Variants in CDH6 observed in about 807,000 individuals in gnomAD.
CDH6 encodes cadherin 6, also known as cadherin-6.
In CDH6, 31 loss-of-function variants were observed where a neutral mutation model predicts 78.0. That is an observed-to-expected ratio of 0.40 (90% confidence interval 0.30 to 0.54). The LOEUF (loss-of-function observed/expected upper bound fraction) is 0.54. Ranked by LOEUF, CDH6 falls within the 20% of genes least tolerant of loss-of-function variation. The pLI, the probability that CDH6 is intolerant of heterozygous loss-of-function variation, is 0.56. For synonymous variants in CDH6, 376 were observed against 368.8 expected (o/e 1.02, Z -0.23); for missense variants, 724 against 975.9 (o/e 0.74, Z 3.44).
intron 11 of CDH6, among the ~76,000 whole-genome samples, chr5:31,319,943 G>C (rs1480461451): frequency 6.6e-6 from 1 of 152,136 alleles, no homozygotes; most frequent in Non-Finnish European, 1.5e-5. Flanking sequence ...AATAGGCTTA[G>C]AACGGTCAAA....
chr5:31,249,846 G>C (rs1257651275), intron 1 of CDH6: 1 of 152,298 alleles, frequency 6.6e-6, no homozygotes, highest in Non-Finnish European at 1.5e-5. Flanking sequence ...CTTCCCACTA[G>C]GGATTGGACC....
chr5:31,319,567 T>C (rs1380603157), intron 11 of CDH6, among the ~76,000 whole-genome samples: 1 of 152,176 alleles, frequency 6.6e-6, no homozygotes, highest in Non-Finnish European at 1.5e-5. Context: ...AAACTAAAGT[T>C]CCCAACCTAA....
chr5:31,298,880 T>C (rs1276185610), intron 4 of CDH6, among the ~76,000 whole-genome samples: 18 of 152,150 alleles, frequency 1.2e-4, no homozygotes, highest in Admixed American at 1.2e-3. Context: ...TCTAGAATCA[T>C]ACAAGATGAT....
At chr5:31,263,213 A>T (rs1005454028) in intron 1 of CDH6, among the ~76,000 whole-genome samples, 3 of 150,556 alleles carry the variant, frequency 2.0e-5, no homozygotes, top group Non-Finnish European at 4.4e-5. Context: ...ATAGTATCAC[A>T]TGGTGAGGGG....
intron 1 of CDH6, among the ~76,000 whole-genome samples, chr5:31,208,009 G>A (rs1367370631): frequency 6.6e-6 from 1 of 152,194 alleles, no homozygotes; most frequent in East Asian, 1.9e-4. Context: ...GTGTATCCAG[G>A]GGGCTAACGC....
At position 31,294,515 on chromosome 5, in the gene CDH6, C is replaced by G. The variant is rs1367737951; in HGVS notation, c.523+259C>G. Reference sequence around the variant, plus strand: ...AGTGGGAGGTTGAAAGAGAGACCATCTCCTTTCTCTCCCACCCTAAATGCC... The same window carrying G: ...AGTGGGAGGTTGAAAGAGAGACCATGTCCTTTCTCTCCCACCCTAAATGCC... On this transcript the variant is annotated intron_variant, in intron 3 of 11. Transcript: ENST00000265071. The surrounding 1 kb of genome is among the most constrained non-coding windows in gnomAD (Gnocchi z 4.1). Among the ~76,000 whole-genome samples, 1 of 150,722 alleles carries G rather than the reference C, an allele frequency of 6.6e-6. No individual in the cohort carries two copies. The highest frequency in any genetic ancestry group is 1.5e-5 in the Non-Finnish European group (1 of 67,808).
At chr5:31,260,315 C>T (rs182144976) in intron 1 of CDH6, among the ~76,000 whole-genome samples, 193 of 152,308 alleles carry the variant, frequency 1.3e-3, no homozygotes, top group Non-Finnish European at 2.3e-3. Context: ...TTGTGCGGGG[C>T]TGAGATTCTC....
intron 2 of CDH6, among the ~76,000 whole-genome samples, chr5:31,277,832 C>T (rs1452636668): frequency 2.0e-5 from 3 of 152,132 alleles, no homozygotes; most frequent in Non-Finnish European, 4.4e-5. Context: ...TAAAAAACCA[C>T]CTTGTTATCT....
chr5:31,223,280 T>G (rs1407132528), intron 1 of CDH6, among the ~76,000 whole-genome samples: 1 of 152,224 alleles, frequency 6.6e-6, no homozygotes, highest in African/African-American at 2.4e-5. Flanking sequence ...ACTTGTTTGA[T>G]GCATTTTCAT....
At chr5:31,281,054 T>G (rs959141315) in intron 2 of CDH6, among the ~76,000 whole-genome samples, 3 of 152,108 alleles carry the variant, frequency 2.0e-5, no homozygotes, top group African/African-American at 7.2e-5. Flanking sequence ...TGAATTCAAG[T>G]AAAAAAATAG....
rs776053051 is a variant in CDH6 at position 31,313,374 on chromosome 5, A to C, written c.1310A>C (p.Asn437Thr). Residue 437 changes from asparagine to threonine, a missense_variant, in exon 8 of 12, where the codon AAT becomes ACT. Transcript: ENST00000265071. ...MDRIFNIDSGNGSIFTSKLLD... is the reference protein window; with the variant it reads ...MDRIFNIDSGTGSIFTSKLLD... ...AGAATATTCAACATTGATTCTGGAA[A>C]TGGTTCGATTTTTACATCGAAACTT... The C allele has an allele frequency of 8.1e-6, 13 of 1,613,928 alleles. No individual in the cohort carries two copies. In the Admixed American group the frequency reaches 2.0e-4, roughly 25 times the overall value.
chr5:31,302,903 AAAAGAAAGAAAG>A (rs70953502), intron 6 of CDH6, among the ~76,000 whole-genome samples: 1,164 of 90,438 alleles, frequency 0.013, 13 homozygotes, highest in East Asian at 0.072. Flanking sequence ...AAGAAAGAAA[AAAAGAAAGAAAG>A]AAAGAAAGAA....
intron 8 of CDH6, among the ~76,000 whole-genome samples, chr5:31,315,039 T>G (rs187889769): frequency 9.2e-5 from 14 of 152,280 alleles, no homozygotes; most frequent in African/African-American, 3.1e-4. Flanking sequence ...TCGGGGCCTT[T>G]GCATATACTG....
Position 31,294,638 on chromosome 5 carries a change from C to T in CDH6, c.523+382C>T, listed in dbSNP as rs950562013. Among the ~76,000 whole-genome samples the T allele has an allele frequency of 1.3e-5, 2 of 152,212 alleles. No individual in the cohort carries two copies. The highest frequency in any genetic ancestry group is 4.8e-5 in the African/African-American group (2 of 41,538). ...CAATCTCCCAAATAGAAAATAAAAG[C>T]TTACATTTACAATCCAGTCTAAAAA... On this transcript the variant is annotated intron_variant, in intron 3 of 11. Transcript: ENST00000265071. This position sits in a 1 kb window ranked among gnomAD's most constrained non-coding sequence, Gnocchi z 4.1.
chr5:31,232,537 G>C (rs984322362), intron 1 of CDH6, among the ~76,000 whole-genome samples: 7 of 152,106 alleles, frequency 4.6e-5, no homozygotes, highest in Non-Finnish European at 1.0e-4. Context: ...CTGCACCCTC[G>C]GTCCAGGACA....
At chr5:31,274,315 T>G (rs1742625412) in intron 2 of CDH6, among the ~76,000 whole-genome samples, 1 of 152,192 alleles carries the variant, frequency 6.6e-6, no homozygotes, top group Non-Finnish European at 1.5e-5. Context: ...GCTCTTAAAC[T>G]TCCCTCTGTG....
chr5:31,313,390 A>G lies in CDH6; in HGVS notation c.1326A>G (p.Thr442=), dbSNP rs768002288. ...NIDSGNGSIF[T]SKLLDRETLL... The stretch of plus-strand genomic sequence containing the variant: ...ATTCTGGAAATGGTTCGATTTTTAC[A>G]TCGAAACTTCTTGACCGAGAAACAC... Residue 442 remains threonine, a synonymous_variant, in exon 8 of 12, where the codon ACA becomes ACG. Transcript: ENST00000265071. The G allele has an allele frequency of 8.7e-6, 14 of 1,614,088 alleles. No homozygotes were observed. The highest frequency in any genetic ancestry group is 1.2e-5 in the Non-Finnish European group (14 of 1,179,910).
At chr5:31,296,525 G>A (rs1204181883) in intron 3 of CDH6, among the ~76,000 whole-genome samples, 2 of 152,058 alleles carry the variant, frequency 1.3e-5, no homozygotes, top group Middle Eastern at 3.2e-3. Flanking sequence ...TTTGTGCTTT[G>A]CTGTTCCAAT....
intron 2 of CDH6, among the ~76,000 whole-genome samples, chr5:31,288,805 T>A (rs958027800): frequency 6.6e-6 from 1 of 152,216 alleles, no homozygotes; most frequent in Non-Finnish European, 1.5e-5. Context: ...CAACATTACA[T>A]TTGCACTACA....
Sources: allele counts gnomAD v4.1 joint callset (sites outside exome capture counted in the v4.1 genomes callset), GRCh38; gene constraint gnomAD v4.1.1; non-coding constraint Gnocchi (gnomAD v3.1); transcripts MANE v1.5; gene names NCBI Gene and HGNC (gene_info 2026-07-23, HGNC 2026-07-21).